The following MEMO1 variants were observed in gnomAD, a reference collection of about 807,000 sequenced individuals.
MEMO1 encodes protein MEMO1.
Under a neutral mutation model 45.2 loss-of-function variants are expected in MEMO1, and 6 were observed. The ratio of observed to expected loss-of-function variants is 0.13; its 90% CI spans 0.07 to 0.26. The LOEUF (loss-of-function observed/expected upper bound fraction) is 0.26. MEMO1 is among the 10% of genes least tolerant of loss of function. The pLI, the probability that MEMO1 is intolerant of heterozygous loss-of-function variation, is 1.00. For synonymous variants in MEMO1, 78 were observed against 124.3 expected (o/e 0.63, Z 2.48); for missense variants, 184 against 370.5 (o/e 0.50, Z 4.13).
At chr2:31,993,110 C>T (rs1203461198) in intron 2 of MEMO1, among the ~76,000 whole-genome samples, 1 of 152,016 alleles carries the variant, frequency 6.6e-6, no homozygotes, top group Admixed American at 6.6e-5. Flanking sequence ...GAATTTGAGA[C>T]TGCAGCGAGC....
At chr2:31,896,925 T>C (rs1296497616) in intron 6 of MEMO1, among the ~76,000 whole-genome samples, 1 of 151,988 alleles carries the variant, frequency 6.6e-6, no homozygotes, top group East Asian at 1.9e-4. Flanking sequence ...TAGTTCTCCT[T>C]GAAGATGTCC....
At chr2:31,882,674 C>G (rs1018503987) in intron 8 of MEMO1, among the ~76,000 whole-genome samples, 1 of 152,084 alleles carries the variant, frequency 6.6e-6, no homozygotes, top group Non-Finnish European at 1.5e-5. Context: ...GCATAGCAGA[C>G]AAGATTCAAG....
intron 2 of MEMO1, among the ~76,000 whole-genome samples, chr2:32,007,162 C>T (rs772552641): frequency 2.0e-5 from 3 of 152,232 alleles, no homozygotes; most frequent in Middle Eastern, 3.4e-3. Context: ...CTACTCCAGG[C>T]TCATGAACTA....
At chr2:31,925,922 T>C (rs1407382376) in intron 4 of MEMO1, among the ~76,000 whole-genome samples, 1 of 152,220 alleles carries the variant, frequency 6.6e-6, no homozygotes, top group Non-Finnish European at 1.5e-5. Flanking sequence ...CTGCTGCATA[T>C]GGAAGTATGT....
intron 3 of MEMO1, among the ~76,000 whole-genome samples, chr2:31,941,259 T>C (rs1665580675): frequency 6.6e-6 from 1 of 152,168 alleles, no homozygotes; most frequent in African/African-American, 2.4e-5. Flanking sequence ...AAGCATACTC[T>C]TGTTCCAGAG....
chr2:31,930,811 A>ATTTTTTTTTTT lies in MEMO1; in HGVS notation c.212+1245_212+1255dup, dbSNP rs376524077. On this transcript the variant is annotated intron_variant, in intron 4 of 9. Transcript: ENST00000404530. The stretch of plus-strand genomic sequence containing the variant: ...CAGGCGTGTGCCACCACGCCTGGCA[A>ATTTTTTTTTTT]TTTTTTTTTTTTTTTTTTTTGTATT... 6.1e-3 allele frequency among the ~76,000 whole-genome samples: 764 copies of ATTTTTTTTTTT among 125,964 alleles called. 13 individuals carry two copies. The highest frequency in any genetic ancestry group is 0.019 in the South Asian group (75 of 3,850). The allele number at this position is 125,964 out of a possible 152,430, so 82.6% of individuals were successfully genotyped here. A position where few individuals can be genotyped will look rare whatever the true frequency, so the allele number is the denominator to read the frequency against.
At chr2:31,903,727 T>C (rs1679231655) in intron 6 of MEMO1, among the ~76,000 whole-genome samples, 1 of 152,134 alleles carries the variant, frequency 6.6e-6, no homozygotes, top group East Asian at 1.9e-4. Flanking sequence ...AAAACCTCAG[T>C]AAATGCTCTA....
At chr2:31,974,949 T>TC (rs1455081273) in intron 2 of MEMO1, among the ~76,000 whole-genome samples, 1 of 152,000 alleles carries the variant, frequency 6.6e-6, no homozygotes, top group African/African-American at 2.4e-5. Flanking sequence ...GGCAAGTGGA[T>TC]CACCTGAGGT....
At position 31,899,307 on chromosome 2, in the gene MEMO1, A is replaced by G. The variant is rs532129668; in HGVS notation, c.438-7173T>C. On this transcript the variant is annotated intron_variant, in intron 6 of 9. Transcript: ENST00000404530. ...CTATACTACAAGGCTACAGTAACCA[A>G]AACAGCATGGTACTGGTACCAAAAC... 1.1e-4 allele frequency among the ~76,000 whole-genome samples: 16 copies of G among 152,330 alleles called. No homozygotes were observed. The South Asian group carries it at 2.9e-3, about 28-fold the overall frequency.
At chr2:31,902,902 A>T (rs1418481261) in intron 6 of MEMO1, among the ~76,000 whole-genome samples, 1 of 152,106 alleles carries the variant, frequency 6.6e-6, no homozygotes, top group African/African-American at 2.4e-5. Context: ...CTCTTACTAA[A>T]ACAGACTATG....
chr2:32,004,576 G>A (rs1673808294), intron 2 of MEMO1, among the ~76,000 whole-genome samples: 1 of 152,162 alleles, frequency 6.6e-6, no homozygotes, highest in Admixed American at 6.6e-5. Flanking sequence ...ACTGCTGGTG[G>A]GAGTGTAAAT....
chr2:32,008,515 C>T (rs903419179), intron 2 of MEMO1, among the ~76,000 whole-genome samples: 2 of 151,582 alleles, frequency 1.3e-5, no homozygotes, highest in South Asian at 2.1e-4. Flanking sequence ...ACCCAGGAGG[C>T]GGAGGTTGCA....
At chr2:31,943,213 C>A (rs1447679990) in intron 3 of MEMO1, 89 bp downstream of exon 3, 3 of 977,602 alleles carry the variant, frequency 3.1e-6, no homozygotes, top group Non-Finnish European at 4.9e-6. Flanking sequence ...TGCAGTGAGC[C>A]GAGACCATGC....
At chr2:31,935,364 A>T (rs543192151) in intron 3 of MEMO1, among the ~76,000 whole-genome samples, 120 of 152,338 alleles carry the variant, frequency 7.9e-4, no homozygotes, top group African/African-American at 2.7e-3. Context: ...AAAGGATGAA[A>T]GTTTTGAAAA....
Position 31,951,498 on chromosome 2 carries a change from T to C in MEMO1, c.62-8115A>G, listed in dbSNP as rs911887279. ...AGTGTTTCCGAGAAGCCTTACCAAC[T>C]ACAAAATCTCACTTAATGGTTTTTT... On this transcript the variant is annotated intron_variant, in intron 2 of 9. Coordinates refer to ENST00000404530, the MANE Select transcript of MEMO1 (RefSeq NM_001301833.4). 4.0e-5 allele frequency among the ~76,000 whole-genome samples: 6 copies of C among 151,338 alleles called. No individual in the cohort carries two copies. The East Asian group carries it at 9.7e-4, about 24-fold the overall frequency.
Position 31,943,284 on chromosome 2 carries a change from A to T in MEMO1, c.143+18T>A. 4 of 1,602,866 alleles carry T rather than the reference A, an allele frequency of 2.5e-6. No individual in the cohort carries two copies. Among genetic ancestry groups the T allele is most frequent in the Non-Finnish European group, 3.4e-6 (4 of 1,170,186 alleles). The stretch of plus-strand genomic sequence containing the variant: ...CTTCTCAAAAAACAAAACAAAAACA[A>T]AAACAAAAAAGACTTACGGGGCAAT... On this transcript the variant is annotated intron_variant, in intron 3 of 9. Coordinates refer to ENST00000404530, the MANE Select transcript of MEMO1 (RefSeq NM_001301833.4).
chr2:31,922,542 G>A (rs547452582), intron 4 of MEMO1, among the ~76,000 whole-genome samples: 1 of 152,060 alleles, frequency 6.6e-6, no homozygotes, highest in East Asian at 1.9e-4. Flanking sequence ...TAAATTACGT[G>A]TTGCCAAGGT....
At chr2:31,976,650 G>A (rs924807771) in intron 2 of MEMO1, among the ~76,000 whole-genome samples, 6 of 151,764 alleles carry the variant, frequency 4.0e-5, no homozygotes, top group African/African-American at 1.4e-4. Context: ...ACTGTCAAGA[G>A]AATATTCATT....
intron 5 of MEMO1, 40 bp from the exon 6 acceptor site, chr2:31,918,077 T>C (rs772115208): frequency 2.1e-6 from 3 of 1,423,102 alleles, no homozygotes; most frequent in Admixed American, 1.8e-5. Flanking sequence ...AATATATTAA[T>C]GTATATCCTT....
Sources: gnomAD v4.1 joint callset for allele counts (sites outside exome capture counted in the v4.1 genomes callset) on GRCh38, gnomAD v4.1.1 for gene constraint, MANE v1.5 for transcripts, NCBI Gene and HGNC (gene_info 2026-07-23, HGNC 2026-07-21) for gene names.